The following PDE1A variants were observed in gnomAD, a reference collection of about 807,000 sequenced individuals.
The protein encoded by PDE1A is phosphodiesterase 1A.
Under a neutral mutation model 61.7 loss-of-function variants are expected in PDE1A, and 35 were observed. That is an observed-to-expected ratio of 0.57 (90% CI 0.43 to 0.75). PDE1A has a LOEUF of 0.75. Ranked by LOEUF, PDE1A falls within the 30% of genes least tolerant of loss-of-function variation. The probability of loss-of-function intolerance (pLI) is 0.00; values close to 1 mark genes in which losing one functional copy is unlikely to be tolerated. For missense variants in PDE1A, 597 were observed against 630.6 expected (o/e 0.95, Z 0.57); for synonymous variants, 232 against 213.2 (o/e 1.09, Z -0.77).
At chr2:182,207,998 G>T (rs904057975) in intron 7 of PDE1A, among the ~76,000 whole-genome samples, 3 of 152,224 alleles carry the variant, frequency 2.0e-5, no homozygotes, top group African/African-American at 7.2e-5. Context: ...GGGAGCCTTT[G>T]CCTAGATTTT....
the PDE1A span, among the ~76,000 whole-genome samples, chr2:182,672,806 C>T: frequency 1.3e-5 from 2 of 152,222 alleles, no homozygotes; most frequent in East Asian, 3.8e-4. Flanking sequence ...GCTAAACTTA[C>T]ACCATATGCC....
chr2:182,346,400 C>A (rs1698520561), intron 1 of PDE1A, among the ~76,000 whole-genome samples: 1 of 152,056 alleles, frequency 6.6e-6, no homozygotes, highest in Non-Finnish European at 1.5e-5. Flanking sequence ...GACATGTTTT[C>A]TTATGGATAC....
intron 1 of PDE1A, among the ~76,000 whole-genome samples, chr2:182,300,867 T>C (rs961562737): frequency 3.3e-5 from 5 of 152,192 alleles, no homozygotes; most frequent in Non-Finnish European, 7.3e-5. Context: ...ACGCTATGCA[T>C]GGGCTCTCTC....
the PDE1A span, among the ~76,000 whole-genome samples, chr2:182,556,476 ATAAAT>A: frequency 5.9e-5 from 9 of 152,184 alleles, no homozygotes; most frequent in Non-Finnish European, 1.2e-4. Context: ...ACTCCTATAA[ATAAAT>A]TAAACATTAA....
intron 1 of PDE1A, among the ~76,000 whole-genome samples, chr2:182,296,579 T>C (rs1282475001): frequency 6.6e-6 from 1 of 151,908 alleles, no homozygotes; most frequent in Non-Finnish European, 1.5e-5. Flanking sequence ...CTAAGAAAAA[T>C]AAGGCTAACT....
At chr2:182,654,676 A>G in the PDE1A span, among the ~76,000 whole-genome samples, 1 of 151,954 alleles carries the variant, frequency 6.6e-6, no homozygotes, top group Non-Finnish European at 1.5e-5. Flanking sequence ...ACATGAAGTA[A>G]CCTCTCAGGG....
intron 1 of PDE1A, among the ~76,000 whole-genome samples, chr2:182,374,558 A>T (rs1433463121): frequency 6.6e-6 from 1 of 152,202 alleles, no homozygotes; most frequent in Non-Finnish European, 1.5e-5. Context: ...TAAGAATTAG[A>T]AGAAAAAATT....
the PDE1A span, among the ~76,000 whole-genome samples, chr2:182,573,913 T>C: frequency 6.9e-6 from 1 of 144,824 alleles, no homozygotes. Flanking sequence ...TTATATATTA[T>C]ATATATTAAT....
intron 2 of PDE1A, among the ~76,000 whole-genome samples, chr2:182,466,341 C>T (rs1258159877): frequency 6.6e-6 from 1 of 151,974 alleles, no homozygotes; most frequent in African/African-American, 2.4e-5. Context: ...ACTCTTAGAG[C>T]TAGGAAAGAA....
intron 7 of PDE1A, among the ~76,000 whole-genome samples, chr2:182,216,116 G>A (rs1292246823): frequency 2.5e-5 from 2 of 80,102 alleles, no homozygotes; most frequent in African/African-American, 4.6e-5. Context: ...TTCAATATAC[G>A]CAAATCAATA....
chr2:182,279,559 T>C (rs956221847), intron 1 of PDE1A, among the ~76,000 whole-genome samples: 4 of 151,866 alleles, frequency 2.6e-5, no homozygotes, highest in Admixed American at 2.0e-4. Flanking sequence ...TGGTATAGGG[T>C]CTACATATCT....
At chr2:182,328,205 G>A (rs541484958) in intron 1 of PDE1A, among the ~76,000 whole-genome samples, 1 of 152,312 alleles carries the variant, frequency 6.6e-6, no homozygotes, top group Non-Finnish European at 1.5e-5. Context: ...GCCTGTAGCA[G>A]TAGGAAAACA....
the PDE1A span, among the ~76,000 whole-genome samples, chr2:182,667,098 A>G: frequency 6.6e-6 from 1 of 152,182 alleles, no homozygotes; most frequent in Non-Finnish European, 1.5e-5. Flanking sequence ...TCTAAAAAGT[A>G]GGTAGAAATC....
the PDE1A span, among the ~76,000 whole-genome samples, chr2:182,529,075 A>T: frequency 1.3e-5 from 2 of 152,148 alleles, no homozygotes; most frequent in African/African-American, 4.8e-5. Context: ...CTGTGAGAAG[A>T]GGGCCACCGT....
At chr2:182,378,715 C>G (rs1283622669) in intron 1 of PDE1A, among the ~76,000 whole-genome samples, 1 of 152,168 alleles carries the variant, frequency 6.6e-6, no homozygotes, top group African/African-American at 2.4e-5. Context: ...ATGAACTATC[C>G]AAATAAAATG....
At chr2:182,393,929 T>C (rs373593225) in intron 1 of PDE1A, among the ~76,000 whole-genome samples, 2 of 152,188 alleles carry the variant, frequency 1.3e-5, no homozygotes, top group South Asian at 2.1e-4. Flanking sequence ...AACAAGTCTC[T>C]AGGAAGTTCC....
chr2:182,557,240 T>C, the PDE1A span, among the ~76,000 whole-genome samples: 6 of 152,352 alleles, frequency 3.9e-5, no homozygotes, highest in African/African-American at 1.4e-4. Flanking sequence ...AGTGACTGTG[T>C]ATCAAAAACA....
At chr2:182,521,829 C>A (rs1331661444) in intron 2 of PDE1A, among the ~76,000 whole-genome samples, 1 of 152,064 alleles carries the variant, frequency 6.6e-6, no homozygotes, top group African/African-American at 2.4e-5. Context: ...AAAAGAAGCA[C>A]AATAAAGTAT....
chr2:182,595,943 G>C, the PDE1A span, among the ~76,000 whole-genome samples: 1 of 152,162 alleles, frequency 6.6e-6, no homozygotes, highest in Admixed American at 6.5e-5. Flanking sequence ...GGCCCATCCA[G>C]ACAGATTAAA....
Sources: gnomAD v4.1 joint callset for allele counts (sites outside exome capture counted in the v4.1 genomes callset) on GRCh38, gnomAD v4.1.1 for gene constraint, MANE v1.5 for transcripts, NCBI Gene and HGNC (gene_info 2026-07-23, HGNC 2026-07-21) for gene names.